The following CLVS2 variants were observed in gnomAD, a reference collection of about 807,000 sequenced individuals.
CLVS2 encodes the protein clavesin-2.
In CLVS2, 19 loss-of-function variants were observed where a neutral mutation model predicts 29.0. The observed-to-expected ratio is 0.66, with a 90% CI of 0.46 to 0.96. CLVS2 has a LOEUF of 0.96. CLVS2 is among the 40% of genes least tolerant of loss of function. The pLI is 0.00. For synonymous variants in CLVS2, 161 were observed against 151.3 expected (o/e 1.06, Z -0.47); for missense variants, 294 against 404.1 (o/e 0.73, Z 2.34).
At chr6:123,012,110 C>T (rs1774757101) in intron 3 of CLVS2, among the ~76,000 whole-genome samples, 1 of 151,878 alleles carries the variant, frequency 6.6e-6, no homozygotes, top group Admixed American at 6.6e-5. Flanking sequence ...TGTTTCTTCT[C>T]CATATAGGTT....
intron 3 of CLVS2, among the ~76,000 whole-genome samples, chr6:123,020,989 CTTTT>C (rs1424161409): frequency 2.0e-5 from 3 of 150,072 alleles, no homozygotes. Flanking sequence ...CTCTCTCTTT[CTTTT>C]GTTTCGTTAG....
intron 3 of CLVS2, among the ~76,000 whole-genome samples, chr6:123,048,395 T>C (rs1772549729): frequency 6.6e-6 from 1 of 152,108 alleles, no homozygotes; most frequent in Non-Finnish European, 1.5e-5. Context: ...GAAATTCTTA[T>C]CAATAACCTA....
At chr6:123,043,162 G>T (rs1203469055) in intron 3 of CLVS2, among the ~76,000 whole-genome samples, 2 of 151,958 alleles carry the variant, frequency 1.3e-5, no homozygotes, top group Non-Finnish European at 2.9e-5. Flanking sequence ...TTCCAGACAG[G>T]TACATCAAGT....
At chr6:122,998,199 T>G (rs1453651003) in intron 2 of CLVS2, 33 bp downstream of exon 2, 5 of 1,582,438 alleles carry the variant, frequency 3.2e-6, no homozygotes, top group African/African-American at 1.3e-5. Context: ...TATTCTCCTT[T>G]TACTCTCCCA....
Position 123,048,739 on chromosome 6 carries a change from T to C in CLVS2, c.675+7T>C, listed in dbSNP as rs1224823729. 7.1e-6 allele frequency: 11 copies of C among 1,555,644 alleles called. No homozygotes were observed. Among genetic ancestry groups the C allele is most frequent in the Non-Finnish European group, 9.8e-6 (11 of 1,126,916 alleles). ...GGAGAAAACTCGGAAAAGGGTATTC[T>C]TTTCTTTGATTTTTAATCCTTTCTC... On this transcript the variant is annotated splice_region_variant and intron_variant, in intron 4 of 5. Transcript: ENST00000275162.
At chr6:123,014,120 A>T (rs1395972751) in intron 3 of CLVS2, among the ~76,000 whole-genome samples, 2 of 152,142 alleles carry the variant, frequency 1.3e-5, no homozygotes, top group African/African-American at 2.4e-5. Flanking sequence ...CGCTATAAAC[A>T]TACGTGTGCA....
chr6:123,037,537 G>C (rs1003979765), intron 3 of CLVS2, among the ~76,000 whole-genome samples: 6 of 151,912 alleles, frequency 3.9e-5, no homozygotes, highest in African/African-American at 1.2e-4. Context: ...ACTGTCTTCT[G>C]CTCTAAGAAA....
chr6:123,070,087 A>G lies in CLVS2; in HGVS notation c.*6326A>G, dbSNP rs1397300791. On this transcript the variant is annotated 3_prime_UTR_variant, in exon 6 of 6. Transcript: ENST00000275162. ...TATAATTATTAAGTTTTAGTGCTAG[A>G]AAAATTGTTGTTTTTTGTGTTTTGT... 2 of 151,948 alleles carry G rather than the reference A, an allele frequency of 1.3e-5. No individual in the cohort carries two copies. Among genetic ancestry groups the G allele is most frequent in the Non-Finnish European group, 2.9e-5 (2 of 67,896 alleles). The allele number at this position is 151,948 out of a possible 1,614,324, so 9.4% of individuals were successfully genotyped here. A position where few individuals can be genotyped will look rare whatever the true frequency, so the allele number is the denominator to read the frequency against.
intron 3 of CLVS2, among the ~76,000 whole-genome samples, chr6:123,017,162 T>C (rs1774849034): frequency 6.6e-6 from 1 of 151,954 alleles, no homozygotes; most frequent in Non-Finnish European, 1.5e-5. Context: ...TAGTGAGATA[T>C]TGACTAAATT....
intron 4 of CLVS2, among the ~76,000 whole-genome samples, chr6:123,049,156 A>G (rs2114355227): frequency 6.6e-6 from 1 of 152,302 alleles, no homozygotes; most frequent in Non-Finnish European, 1.5e-5. Flanking sequence ...TATCTAATAT[A>G]ATTTTTTACA....
rs368778974 is a variant in CLVS2, at chr6:123,055,890, C to T, written c.760C>T (p.Pro254Ser). ...GCCCTCTGAGTTTGGAGGAATGCTG[C>T]CTCCTTATGACATGGGGACATGGGC... ...ILPSEFGGML[P>S]PYDMGTWART... The change falls in exon 5 of 6, where the codon CCT becomes TCT. Residue 254 changes from proline (P) to serine (S), a missense_variant. Pro to Ser is a moderately conservative substitution (Grantham distance 74, BLOSUM62 -1). Around this residue, in one of 2 missense-constraint regions of CLVS2, gnomAD observed 212 missense variants for 336.4 expected, o/e 0.63. Coordinates refer to ENST00000275162, the MANE Select transcript of CLVS2 (RefSeq NM_001010852.4). 10 of 1,613,898 alleles carry T rather than the reference C, an allele frequency of 6.2e-6. No individual in the cohort carries two copies. Among genetic ancestry groups the T allele is most frequent in the Non-Finnish European group, 8.5e-6 (10 of 1,179,932 alleles).
rs573251594 is a variant in CLVS2 at position 123,069,245 on chromosome 6, A to G, written c.*5484A>G. 6.6e-6 allele frequency: 1 copy of G among 151,956 alleles called. No individual in the cohort carries two copies. Among genetic ancestry groups the G allele is most frequent in the South Asian group, 2.1e-4 (1 of 4,828 alleles). The allele number at this position is 151,956 out of a possible 1,614,324, so 9.4% of individuals were successfully genotyped here. Reference sequence around the variant, plus strand: ...TAACTAGGGTTTTCACATTTGCAATAGAATGACTGGATTAGGCAAGAGATT... The same window carrying G: ...TAACTAGGGTTTTCACATTTGCAATGGAATGACTGGATTAGGCAAGAGATT... On this transcript the variant is annotated 3_prime_UTR_variant, in exon 6 of 6. Transcript: ENST00000275162.
chr6:123,006,328 G>A (rs532767636), intron 2 of CLVS2, among the ~76,000 whole-genome samples: 1 of 152,290 alleles, frequency 6.6e-6, no homozygotes, highest in South Asian at 2.1e-4. Flanking sequence ...CAAGAAGTAT[G>A]GTTATTAAGG....
At position 123,035,218 on chromosome 6, in the gene CLVS2, T is replaced by A. The variant is rs537206800; in HGVS notation, c.565-13404T>A. On this transcript the variant is annotated intron_variant, in intron 3 of 5. Coordinates refer to ENST00000275162, the MANE Select transcript of CLVS2 (RefSeq NM_001010852.4). ...TTCAAAGTAAAATCTACCTATTTGT[T>A]AACTTTTACAAGTGAAGGGTTTTTT... 2.6e-5 allele frequency among the ~76,000 whole-genome samples: 4 copies of A among 152,220 alleles called. No homozygotes were observed. The East Asian group carries it at 7.7e-4, about 29-fold the overall frequency.
chr6:123,031,361 G>A (rs896776501), intron 3 of CLVS2, among the ~76,000 whole-genome samples: 1 of 152,140 alleles, frequency 6.6e-6, no homozygotes, highest in Non-Finnish European at 1.5e-5. Flanking sequence ...TCTGTTAAAG[G>A]AGGGGGAAAT....
Position 123,039,641 on chromosome 6 carries a change from C to T in CLVS2, c.565-8981C>T, listed in dbSNP as rs549638857. On this transcript the variant is annotated intron_variant, in intron 3 of 5. Transcript: ENST00000275162. The stretch of plus-strand genomic sequence containing the variant: ...CTGACTTAAACAAGCCCTGTGTCTT[C>T]CTGTTGAGGTGTGTGGCTATGACTT... 5.9e-5 allele frequency among the ~76,000 whole-genome samples: 9 copies of T among 152,222 alleles called. No homozygotes were observed. In the East Asian group the frequency reaches 1.6e-3, roughly 26 times the overall value.
chr6:123,022,958 C>G (rs1774945624), intron 3 of CLVS2, among the ~76,000 whole-genome samples: 1 of 152,044 alleles, frequency 6.6e-6, no homozygotes, highest in Non-Finnish European at 1.5e-5. Context: ...GGATGATAAA[C>G]ATCAAAGCAG....
At chr6:123,010,635 T>C (rs1223620727) in intron 2 of CLVS2, among the ~76,000 whole-genome samples, 1 of 152,012 alleles carries the variant, frequency 6.6e-6, no homozygotes, top group Non-Finnish European at 1.5e-5. Context: ...AGATATGAAA[T>C]GTCAATATTA....
At chr6:123,055,694 A>G (rs1009275576) in intron 4 of CLVS2, 112 bp from the exon 5 acceptor site, 3 of 739,712 alleles carry the variant, frequency 4.1e-6, no homozygotes, top group South Asian at 3.2e-5. Flanking sequence ...ACTTTAACAG[A>G]CATGCGAAAC....
Sources: gnomAD v4.1 joint callset for allele counts (sites outside exome capture counted in the v4.1 genomes callset) on GRCh38, gnomAD v4.1.1 for gene constraint, gnomAD v4.1.1 regional missense constraint, MANE v1.5 for transcripts, NCBI Gene and HGNC (gene_info 2026-07-23, HGNC 2026-07-21) for gene names.